DAB1: variants seen among roughly 807,000 people sequenced by gnomAD.
The protein encoded by DAB1 is disabled homolog 1.
A neutral mutation model predicts 64.6 loss-of-function variants in DAB1; 15 were observed. The ratio of observed to expected loss-of-function variants is 0.23; its 90% CI spans 0.16 to 0.36. DAB1 has a LOEUF of 0.36. Ranked by LOEUF, DAB1 falls within the 10% of genes least tolerant of loss-of-function variation. The probability of loss-of-function intolerance (pLI) is 1.00; values close to 1 mark genes in which losing one functional copy is unlikely to be tolerated. For synonymous variants in DAB1, 235 were observed against 251.9 expected (o/e 0.93, Z 0.64); for missense variants, 596 against 706.7 (o/e 0.84, Z 1.78).
intron 5 of DAB1, among the ~76,000 whole-genome samples, chr1:57,979,419 G>T (rs1415756844): frequency 6.6e-6 from 1 of 152,112 alleles, no homozygotes; most frequent in South Asian, 2.1e-4. Context: ...TATGGGGGAT[G>T]GGGGGCTAGG....
At chr1:57,029,267 T>C (rs189727490) in intron 9 of DAB1, among the ~76,000 whole-genome samples, 1 of 152,240 alleles carries the variant, frequency 6.6e-6, no homozygotes, top group Admixed American at 6.5e-5. Context: ...AGTCTACGGG[T>C]GCACAGAAGT....
chr1:57,762,130 T>C (rs1649115028), intron 6 of DAB1, among the ~76,000 whole-genome samples: 1 of 152,190 alleles, frequency 6.6e-6, no homozygotes, highest in Non-Finnish European at 1.5e-5. Context: ...ATATTCAATA[T>C]TTCACTAATA....
rs77648077 is a variant in DAB1 at position 58,409,653 on chromosome 1, G to A, written n.258-66250C>T. ...ATCTCATGATTCTATTCCCAGTTAC[G>A]TGGACTTGGGACCATCCTTCTCCTC... On this transcript the variant is annotated intron_variant and non_coding_transcript_variant, in intron 3 of 20. Transcript: ENST00000485760. Among the ~76,000 whole-genome samples, 69 of 152,296 alleles carry A rather than the reference G, an allele frequency of 4.5e-4. 2 individuals carry two copies. In the East Asian group the frequency reaches 0.01, roughly 23 times the overall value.
chr1:57,502,137 G>A (rs1325183305), intron 7 of DAB1, among the ~76,000 whole-genome samples: 3 of 151,790 alleles, frequency 2.0e-5, no homozygotes, highest in Non-Finnish European at 4.4e-5. Context: ...TGGCTAACAC[G>A]GTGAAACCCC....
intron 7 of DAB1, among the ~76,000 whole-genome samples, chr1:57,559,886 C>G (rs1645031672): frequency 6.6e-6 from 1 of 152,224 alleles, no homozygotes; most frequent in Non-Finnish European, 1.5e-5. Context: ...GTGCCACCAT[C>G]AAGGATTTGA....
chr1:58,335,481 T>C (rs111902058), intron 4 of DAB1, among the ~76,000 whole-genome samples: 2 of 152,166 alleles, frequency 1.3e-5, no homozygotes, highest in African/African-American at 4.8e-5. Context: ...GCAAGGCAAG[T>C]GGGGGTCACT....
In DAB1 at chr1:57,485,724, G is replaced by A. The variant is rs531276301; in HGVS notation, n.625+163868C>T. On this transcript the variant is annotated intron_variant and non_coding_transcript_variant, in intron 7 of 20. Coordinates refer to the DAB1 transcript ENST00000485760. ...GCTAACTTCAAACCCAGTGAGTGTC[G>A]GTAGGGTAACTGTGATGATGCGTTT... Among the ~76,000 whole-genome samples, 26 of 152,246 alleles carry A rather than the reference G, an allele frequency of 1.7e-4. No individual in the cohort carries two copies. In the South Asian group the frequency reaches 4.1e-3, roughly 24 times the overall value.
At chr1:58,360,998 T>C (rs1644158992) in intron 3 of DAB1, among the ~76,000 whole-genome samples, 1 of 152,226 alleles carries the variant, frequency 6.6e-6, no homozygotes, top group South Asian at 2.1e-4. Context: ...CTTTGCAACA[T>C]GATATTTTAC....
At chr1:58,289,819 G>A (rs1187392211) in intron 4 of DAB1, among the ~76,000 whole-genome samples, 2 of 152,178 alleles carry the variant, frequency 1.3e-5, no homozygotes, top group African/African-American at 4.8e-5. Flanking sequence ...TATGCTAAAA[G>A]CAATGACAAA....
chr1:57,170,585 A>G (rs1430994353), intron 2 of DAB1, among the ~76,000 whole-genome samples: 1 of 152,116 alleles, frequency 6.6e-6, no homozygotes, highest in Non-Finnish European at 1.5e-5. Flanking sequence ...AGGGAGGTGC[A>G]GGGGCTTTGA....
chr1:57,003,576 T>C (rs1645952327), intron 14 of DAB1, among the ~76,000 whole-genome samples: 1 of 152,142 alleles, frequency 6.6e-6, no homozygotes, highest in Non-Finnish European at 1.5e-5. Flanking sequence ...CACGTTTAAG[T>C]GTACAATTCA....
At chr1:57,606,426 A>G (rs1374960045) in intron 7 of DAB1, among the ~76,000 whole-genome samples, 1 of 130,054 alleles carries the variant, frequency 7.7e-6, no homozygotes, top group African/African-American at 2.8e-5. Flanking sequence ...TATATTTCAT[A>G]TATAAAATAT....
At chr1:58,309,436 C>A (rs1201761980) in intron 4 of DAB1, among the ~76,000 whole-genome samples, 2 of 152,144 alleles carry the variant, frequency 1.3e-5, no homozygotes, top group Non-Finnish European at 2.9e-5. Context: ...TCCTGTAGGT[C>A]ACTGGAAAGG....
intron 2 of DAB1, among the ~76,000 whole-genome samples, chr1:57,183,912 C>T (rs1193643840): frequency 6.6e-6 from 1 of 152,004 alleles, no homozygotes; most frequent in Admixed American, 6.6e-5. Context: ...CTGGAGGAGA[C>T]ACCATTAGCT....
intron 14 of DAB1, among the ~76,000 whole-genome samples, chr1:57,004,836 T>C (rs756520444): frequency 6.6e-6 from 1 of 152,178 alleles, no homozygotes; most frequent in Non-Finnish European, 1.5e-5. Flanking sequence ...GATATGAACT[T>C]AGGCGAGCAT....
At chr1:58,359,143 T>C (rs1644139920) in intron 3 of DAB1, among the ~76,000 whole-genome samples, 1 of 152,132 alleles carries the variant, frequency 6.6e-6, no homozygotes, top group African/African-American at 2.4e-5. Context: ...CTGGGTCATA[T>C]GGAGGACTTC....
chr1:57,922,307 A>G (rs990215905), intron 5 of DAB1, among the ~76,000 whole-genome samples: 1 of 151,998 alleles, frequency 6.6e-6, no homozygotes, highest in Non-Finnish European at 1.5e-5. Context: ...GAAGGGAGGG[A>G]AAGGAAGGGA....
chr1:57,413,734 ACT>A (rs1234958022), intron 1 of DAB1, among the ~76,000 whole-genome samples: 3 of 126,000 alleles, frequency 2.4e-5, no homozygotes, highest in African/African-American at 1.1e-4. Context: ...ACACAGCAAG[ACT>A]CTGTCTCAAA....
At chr1:57,756,716 CT>C (rs1648826752) in intron 6 of DAB1, among the ~76,000 whole-genome samples, 3 of 151,906 alleles carry the variant, frequency 2.0e-5, no homozygotes, top group Admixed American at 2.0e-4. Flanking sequence ...GGTAACAGCA[CT>C]AGGAACAGAT....
Sources: allele counts gnomAD v4.1 joint callset (sites outside exome capture counted in the v4.1 genomes callset), GRCh38; gene constraint gnomAD v4.1.1; transcripts MANE v1.5; gene names NCBI Gene and HGNC (gene_info 2026-07-23, HGNC 2026-07-21).